STARD13: variants seen among roughly 807,000 people sequenced by gnomAD.
STARD13 encodes the protein StAR related lipid transfer domain containing 13, also known as stAR-related lipid transfer protein 13.
STARD13 carries 62 observed loss-of-function variants against 106.4 expected under a neutral mutation model. The observed-to-expected ratio is 0.58, with a 90% CI of 0.48 to 0.72. STARD13 has a LOEUF of 0.72. Among genes scored for constraint, STARD13 ranks in the 30% least tolerant of loss-of-function variants. STARD13 has a pLI of 0.00. For synonymous variants in STARD13, 565 were observed against 553.0 expected (o/e 1.02, Z -0.31); for missense variants, 1,387 against 1,424.0 (o/e 0.97, Z 0.42).
chr13:33,364,108 A>G, the STARD13 span, among the ~76,000 whole-genome samples: 2 of 152,096 alleles, frequency 1.3e-5, no homozygotes, highest in African/African-American at 2.4e-5. Context: ...AACATTACTT[A>G]AGGTTCCCCC....
chr13:33,195,832 A>C (rs1886575881), intron 1 of STARD13, among the ~76,000 whole-genome samples: 1 of 152,126 alleles, frequency 6.6e-6, no homozygotes, highest in Admixed American at 6.5e-5. Context: ...AAACCCTCTG[A>C]GCCTCAGTTT....
the STARD13 span, among the ~76,000 whole-genome samples, chr13:33,416,872 T>G: frequency 6.6e-6 from 1 of 152,188 alleles, no homozygotes; most frequent in Non-Finnish European, 1.5e-5. Flanking sequence ...GTTAAAAAAT[T>G]TGTAATCCAA....
At chr13:33,664,878 G>A in the STARD13 span, among the ~76,000 whole-genome samples, 3,175 of 152,170 alleles carry the variant, frequency 0.021, 51 homozygotes, top group African/African-American at 0.037. Context: ...CGCCCGCCTC[G>A]GCCTCCCAAA....
intron 1 of STARD13, chr13:33,279,401 T>C (rs1891644212): frequency 6.6e-6 from 1 of 152,192 alleles, no homozygotes; most frequent in Non-Finnish European, 1.5e-5. Flanking sequence ...AAAGCACTGA[T>C]GATTGGGGAA....
intron 1 of STARD13, among the ~76,000 whole-genome samples, chr13:33,230,804 C>G (rs1166966301): frequency 6.6e-6 from 1 of 152,118 alleles, no homozygotes; most frequent in Non-Finnish European, 1.5e-5. Flanking sequence ...CTTAAGTACC[C>G]CTGATGTGCA....
chr13:33,302,622 G>T (rs1892763314), intron 1 of STARD13, among the ~76,000 whole-genome samples: 1 of 152,034 alleles, frequency 6.6e-6, no homozygotes, highest in African/African-American at 2.4e-5. Context: ...GCCCACTCTG[G>T]TCTTGAACTC....
chr13:33,170,755 C>G (rs1302734233), intron 1 of STARD13, among the ~76,000 whole-genome samples: 1 of 152,086 alleles, frequency 6.6e-6, no homozygotes, highest in Non-Finnish European at 1.5e-5. Flanking sequence ...ATTTCATATT[C>G]CCCCACCCTA....
intron 1 of STARD13, among the ~76,000 whole-genome samples, chr13:33,238,653 T>C (rs1482745634): frequency 6.6e-6 from 1 of 152,084 alleles, no homozygotes; most frequent in Non-Finnish European, 1.5e-5. Context: ...AAAACCTGAC[T>C]TGATGGTCAG....
At chr13:33,444,169 T>C in the STARD13 span, among the ~76,000 whole-genome samples, 1 of 152,138 alleles carries the variant, frequency 6.6e-6, no homozygotes, top group Non-Finnish European at 1.5e-5. Flanking sequence ...ATTTGCCGAG[T>C]GCTTAGTCAG....
the STARD13 span, among the ~76,000 whole-genome samples, chr13:33,418,567 A>G: frequency 1.3e-5 from 2 of 152,224 alleles, no homozygotes; most frequent in Non-Finnish European, 2.9e-5. Context: ...TCCCTGTCTG[A>G]CAGCTCTGAA....
intron 1 of STARD13, among the ~76,000 whole-genome samples, chr13:33,242,559 C>T (rs111932078): frequency 0.015 from 2,351 of 152,188 alleles, 52 homozygotes; most frequent in African/African-American, 0.051. Context: ...CAGCATACTC[C>T]TTAAGAGTCA....
At chr13:33,369,657 C>T in the STARD13 span, among the ~76,000 whole-genome samples, 1 of 151,862 alleles carries the variant, frequency 6.6e-6, no homozygotes, top group Non-Finnish European at 1.5e-5. Context: ...TCACTTTCTA[C>T]TTGTTTAAAA....
chr13:33,449,538 A>G, the STARD13 span, among the ~76,000 whole-genome samples: 1 of 152,130 alleles, frequency 6.6e-6, no homozygotes, highest in African/African-American at 2.4e-5. Context: ...AGGTAGTCTA[A>G]TGTCACCAGG....
chr13:33,167,664 G>T (rs1185657078), intron 1 of STARD13, 42 bp from the exon 2 acceptor site: 8 of 1,560,556 alleles, frequency 5.1e-6, no homozygotes, highest in South Asian at 1.1e-5. Context: ...TCCCACAGCC[G>T]CACCCTAGTA....
Position 33,135,773 on chromosome 13 carries a change from A to G in STARD13, c.388-5484T>C, listed in dbSNP as rs1197995870. Among the ~76,000 whole-genome samples the G allele has an allele frequency of 2.0e-5, 3 of 152,222 alleles. No homozygotes were observed. The East Asian group carries it at 5.8e-4, about 29-fold the overall frequency. ...AGATATACATTATTACCCATGAGTA[A>G]CATTGTTATCAATCCCACTTAACTT... On this transcript the variant is annotated intron_variant, in intron 4 of 13. Coordinates refer to ENST00000336934, the MANE Select transcript of STARD13 (RefSeq NM_178006.4).
chr13:33,451,887 A>G, the STARD13 span, among the ~76,000 whole-genome samples: 2 of 152,228 alleles, frequency 1.3e-5, no homozygotes, highest in East Asian at 1.9e-4. Flanking sequence ...GAAAATTGAT[A>G]CCTCTGAAGT....
intron 1 of STARD13, among the ~76,000 whole-genome samples, chr13:33,268,454 T>C (rs1209524670): frequency 6.6e-6 from 1 of 152,264 alleles, no homozygotes; most frequent in Non-Finnish European, 1.5e-5. Context: ...TAACACACAC[T>C]GAGCCCTGAG....
intron 1 of STARD13, among the ~76,000 whole-genome samples, chr13:33,318,820 G>A (rs1411174418): frequency 6.6e-6 from 1 of 152,126 alleles, no homozygotes; most frequent in African/African-American, 2.4e-5. Context: ...AATATCATTA[G>A]TCATTAAGAG....
At chr13:33,362,040 G>T in the STARD13 span, among the ~76,000 whole-genome samples, 1 of 152,166 alleles carries the variant, frequency 6.6e-6, no homozygotes, top group Non-Finnish European at 1.5e-5. Flanking sequence ...AAATAAAAAT[G>T]TCTGATATTA....
Sources: allele counts gnomAD v4.1 joint callset (sites outside exome capture counted in the v4.1 genomes callset), GRCh38; gene constraint gnomAD v4.1.1; transcripts MANE v1.5; gene names NCBI Gene and HGNC (gene_info 2026-07-23, HGNC 2026-07-21).